Variants in TOP3A observed in about 807,000 individuals in gnomAD.
TOP3A encodes the protein DNA topoisomerase III alpha.
In TOP3A, 64 loss-of-function variants were observed where a neutral mutation model predicts 111.3. The ratio of observed to expected loss-of-function variants is 0.57; its 90% CI spans 0.47 to 0.71. The LOEUF is 0.71. TOP3A is among the 30% of genes least tolerant of loss of function. The probability of loss-of-function intolerance (pLI) is 0.00; values close to 1 mark genes in which losing one functional copy is unlikely to be tolerated. For synonymous variants in TOP3A, 484 were observed against 485.1 expected (o/e 1.00, Z 0.03); for missense variants, 1,104 against 1,285.0 (o/e 0.86, Z 2.15).
At chr17:18,305,028 G>T in intron 5 of TOP3A, 84 bp downstream of exon 5, 1 of 1,117,190 alleles carries the variant, frequency 9.0e-7, no homozygotes, top group Non-Finnish European at 1.4e-6. Context: ...GACCTCATCC[G>T]TGGCCCATGT....
At position 18,308,828 on chromosome 17, in the gene TOP3A, G is replaced by T. The variant is rs368148905; in HGVS notation, c.240+54C>A. Reference sequence around the variant, plus strand: ...GACATATTCTACATATGACGAGGCTGACTACTTTCTCTTGCTTATGATTGA... The same window carrying T: ...GACATATTCTACATATGACGAGGCTTACTACTTTCTCTTGCTTATGATTGA... On this transcript the variant is annotated intron_variant, in intron 2 of 18. Transcript: ENST00000321105. 3 of 1,216,064 alleles carry T rather than the reference G, an allele frequency of 2.5e-6. No homozygotes were observed. In the South Asian group the frequency reaches 4.4e-5, roughly 18 times the overall value. The allele number at this position is 1,216,064 out of a possible 1,614,324, so 75.3% of individuals were successfully genotyped here.
In TOP3A at chr17:18,285,307, C is replaced by G. The variant is rs752529340; in HGVS notation, c.1712G>C (p.Gly571Ala). 1.9e-6 allele frequency: 3 copies of G among 1,614,004 alleles called. No homozygotes were observed. In the African/African-American group the frequency reaches 4.0e-5, roughly 22 times the overall value. The change falls in exon 15 of 19, where the codon GGT becomes GCT. Residue 571 changes from glycine (G) to alanine (A), a missense_variant and splice_region_variant. Transcript: ENST00000321105. ...CATTTCATAGCCCATGGAATCATAA[C>G]CTGCAGGGAGAGAGTCGAGCTCAGT... ...PGHLGMGLVEGYDSMGYEMSK... is the reference protein window; with the variant it reads ...PGHLGMGLVEAYDSMGYEMSK...
At chr17:18,294,927 A>T (rs928085804) in intron 9 of TOP3A, 142 bp from the exon 10 acceptor site, 1 of 622,986 alleles carries the variant, frequency 1.6e-6, no homozygotes, top group Admixed American at 2.6e-5. Flanking sequence ...GCTGCCCAAC[A>T]ACGATTTCTG....
chr17:18,286,810 G>C (rs1360668385), intron 13 of TOP3A, among the ~76,000 whole-genome samples: 2 of 152,128 alleles, frequency 1.3e-5, no homozygotes, highest in African/African-American at 4.8e-5. Flanking sequence ...GTTCACAGCA[G>C]GATTATTTAT....
rs142171718 is a variant in TOP3A at position 18,303,914 on chromosome 17, C to T, written c.500-1191G>A. On this transcript the variant is annotated intron_variant, in intron 5 of 18. Coordinates refer to ENST00000321105, the MANE Select transcript of TOP3A (RefSeq NM_004618.5). ...GTCTCCACCTTGTGAGAAATACCCA[C>T]AGGTGTGGAGGGGCAGGCCCCCTCC... 6.2e-3 allele frequency among the ~76,000 whole-genome samples: 949 copies of T among 152,276 alleles called. 3 individuals are homozygous for T. The highest frequency in any genetic ancestry group is 7.9e-3 in the Non-Finnish European group (540 of 68,018).
chr17:18,303,029 C>T (rs1981336989), intron 5 of TOP3A: 1 of 285,330 alleles, frequency 3.5e-6, no homozygotes, highest in Non-Finnish European at 6.7e-6. Flanking sequence ...AAAGAAACTC[C>T]ATTTTGATCT....
At chr17:18,288,552 T>C (rs995782330) in intron 13 of TOP3A, among the ~76,000 whole-genome samples, 5 of 152,224 alleles carry the variant, frequency 3.3e-5, no homozygotes, top group African/African-American at 4.8e-5. Flanking sequence ...TACCACCATC[T>C]AAGCCCTTCA....
At position 18,294,794 on chromosome 17, in the gene TOP3A, T is replaced by C; in HGVS notation, c.991-9A>G. 2 of 1,606,476 alleles carry C rather than the reference T, an allele frequency of 1.2e-6. No individual in the cohort carries two copies. The highest frequency in any genetic ancestry group is 8.5e-7 in the Non-Finnish European group (1 of 1,173,108). The stretch of plus-strand genomic sequence containing the variant: ...GCCAGCTTCTCAAGCTCCTGTGAAA[T>C]GGGTCAACAGGCATGTTAGGTGTAC... On this transcript the variant is annotated splice_polypyrimidine_tract_variant and intron_variant, in intron 9 of 18. Coordinates refer to ENST00000321105, the MANE Select transcript of TOP3A (RefSeq NM_004618.5).
chr17:18,313,811 C>G (rs777631759), intron 1 of TOP3A, among the ~76,000 whole-genome samples: 1 of 152,166 alleles, frequency 6.6e-6, no homozygotes, highest in African/African-American at 2.4e-5. Flanking sequence ...TCTTAGGACC[C>G]TGGGAACTAA....
In TOP3A at chr17:18,298,157, G is replaced by A. The variant is rs1440043581; in HGVS notation, c.990+1402C>T. On this transcript the variant is annotated intron_variant, in intron 9 of 18. Transcript: ENST00000321105. The stretch of plus-strand genomic sequence containing the variant: ...AGACCCTCTGCCTGGCAACCACCCC[G>A]TCTGAGAAGTGAGGAGCCCCTCCGC... Among the ~76,000 whole-genome samples, 15 of 151,024 alleles carry A rather than the reference G, an allele frequency of 9.9e-5. No homozygotes were observed. The East Asian group carries it at 1.8e-3, about 18-fold the overall frequency.
chr17:18,279,667 G>C (rs1030978348), intron 17 of TOP3A, among the ~76,000 whole-genome samples: 95 of 152,148 alleles, frequency 6.2e-4, no homozygotes, highest in Non-Finnish European at 1.1e-3. Context: ...GGGATTACAG[G>C]CCTGAGCCAC....
At chr17:18,300,591 T>C (rs112056702) in intron 8 of TOP3A, among the ~76,000 whole-genome samples, 3,743 of 152,076 alleles carry the variant, frequency 0.025, 168 homozygotes, top group African/African-American at 0.087. Context: ...TATCTCGTTC[T>C]GTCACTCAGG....
At chr17:18,286,547 C>A (rs371614452) in intron 13 of TOP3A, among the ~76,000 whole-genome samples, 5 of 152,002 alleles carry the variant, frequency 3.3e-5, no homozygotes, top group East Asian at 1.9e-4. Context: ...ACCAAAAAAA[C>A]CAGTGAAATA....
intron 8 of TOP3A, among the ~76,000 whole-genome samples, chr17:18,299,985 G>A (rs1981124613): frequency 6.6e-6 from 1 of 152,126 alleles, no homozygotes; most frequent in Admixed American, 6.6e-5. Flanking sequence ...TACAGAGATG[G>A]GGTCTTGCTA....
At chr17:18,281,437 A>C (rs1485468544) in intron 16 of TOP3A, among the ~76,000 whole-genome samples, 1 of 152,192 alleles carries the variant, frequency 6.6e-6, no homozygotes, top group Non-Finnish European at 1.5e-5. Flanking sequence ...CGAATAACTA[A>C]AGAATAATAA....
chr17:18,305,836 T>TCAAAA (rs544348650), intron 4 of TOP3A, among the ~76,000 whole-genome samples: 5,259 of 151,760 alleles, frequency 0.035, 130 homozygotes, highest in Non-Finnish European at 0.053. Context: ...AGACTCCATC[T>TCAAAA]CAAAACAAAA....
intron 9 of TOP3A, among the ~76,000 whole-genome samples, chr17:18,298,520 C>G (rs1488216168): frequency 6.7e-6 from 1 of 150,106 alleles, no homozygotes; most frequent in Admixed American, 6.6e-5. Context: ...GTGAGGATCC[C>G]CTCTGCCCGG....
Position 18,308,915 on chromosome 17 carries a change from C to A in TOP3A, c.207G>T (p.Lys69Asn), listed in dbSNP as rs1022831619. 12 of 1,560,886 alleles carry A rather than the reference C, an allele frequency of 7.7e-6. No individual in the cohort carries two copies. The Admixed American group carries it at 1.5e-4, about 19-fold the overall frequency. The change falls in exon 2 of 19, where the codon AAG (lysine) becomes AAT (asparagine). Residue 69 changes from lysine to asparagine, a missense_variant. Transcript: ENST00000321105. ...ACAGATGATAATCAAATTCATAGAT[C>A]TTGTTGAATTTTGAAAGTCCTTCTC... is the stretch of plus-strand genomic sequence containing the variant. ...RRREGLSKFN[K>N]IYEFDYHLYG... is the part of the protein sequence containing the mutation.
intron 15 of TOP3A, among the ~76,000 whole-genome samples, chr17:18,283,996 GTTTGA>G (rs1979927910): frequency 6.6e-6 from 1 of 152,078 alleles, no homozygotes; most frequent in Non-Finnish European, 1.5e-5. Flanking sequence ...AAACCCAATT[GTTTGA>G]TTTGTTTTTG....
Sources: gnomAD v4.1 joint callset for allele counts (sites outside exome capture counted in the v4.1 genomes callset) on GRCh38, gnomAD v4.1.1 for gene constraint, MANE v1.5 for transcripts, NCBI Gene and HGNC (gene_info 2026-07-23, HGNC 2026-07-21) for gene names.